The following NR1D2 variants were observed in gnomAD, a reference collection of about 807,000 sequenced individuals.
NR1D2 encodes nuclear receptor subfamily 1 group D member 2.
NR1D2 carries 25 observed loss-of-function variants against 52.2 expected under a neutral mutation model. The ratio of observed to expected loss-of-function variants is 0.48; its 90% confidence interval spans 0.35 to 0.67. NR1D2 has a LOEUF of 0.67. Ranked by LOEUF, NR1D2 falls within the 30% of genes least tolerant of loss-of-function variation. The probability of loss-of-function intolerance (pLI) is 0.01; values close to 1 mark genes in which losing one functional copy is unlikely to be tolerated. For missense variants in NR1D2, 681 were observed against 707.2 expected, an observed-to-expected ratio of 0.96 and a Z score of 0.42; for synonymous variants, 259 against 230.1, an observed-to-expected ratio of 1.13 and a Z score of -1.14.
intron 3 of NR1D2, among the ~76,000 whole-genome samples, chr3:23,958,523 C>T (rs1408873601): frequency 6.6e-6 from 1 of 151,980 alleles, no homozygotes; most frequent in Non-Finnish European, 1.5e-5. Context: ...TGTCTGTAGT[C>T]CCAGCTCTTG....
At chr3:23,967,074 C>T (rs995118801) in intron 6 of NR1D2, among the ~76,000 whole-genome samples, 1 of 152,156 alleles carries the variant, frequency 6.6e-6, no homozygotes, top group Non-Finnish European at 1.5e-5. Flanking sequence ...GCCTGTAATT[C>T]TAGCACTTTG....
At chr3:23,947,285 A>G (rs558981321) in intron 1 of NR1D2, among the ~76,000 whole-genome samples, 16 of 152,332 alleles carry the variant, frequency 1.1e-4, no homozygotes, top group South Asian at 8.3e-4. Context: ...CCCTCTTCCA[A>G]TACTTCGCTG....
chr3:23,977,252 G>C lies in NR1D2; in HGVS notation c.1573G>C (p.Val525Leu). 6.2e-7 allele frequency: 1 copy of C among 1,607,482 alleles called. No homozygotes were observed. The highest frequency in any genetic ancestry group is 1.7e-5 in the Admixed American group (1 of 58,462). ...DRSGIENVNS[V>L]EALQETLIRA... Reference sequence around the variant, plus strand: ...ATCTGGAATAGAAAACGTCAACTCTGTGGAGGCTTTGCAGGAAACTCTCAT... The same window carrying C: ...ATCTGGAATAGAAAACGTCAACTCTCTGGAGGCTTTGCAGGAAACTCTCAT... The change falls in exon 8 of 8, where the codon GTG becomes CTG. Residue 525 changes from valine (V) to leucine (L), a missense_variant. Physicochemically the swap from Val to Leu is conservative, Grantham distance 32 (BLOSUM62 1). Coordinates refer to ENST00000312521, the MANE Select transcript of NR1D2 (RefSeq NM_005126.5).
At chr3:23,963,359 A>G (rs527836235) in intron 5 of NR1D2, 2 of 1,317,256 alleles carry the variant, frequency 1.5e-6, no homozygotes, top group East Asian at 9.4e-5. Context: ...TTCATTTTCA[A>G]AATAGTTGAC....
intron 1 of NR1D2, among the ~76,000 whole-genome samples, chr3:23,945,931 A>G (rs1171991173): frequency 4.7e-5 from 7 of 148,754 alleles, no homozygotes; most frequent in African/African-American, 1.5e-4. Context: ...GCGGCATTAC[A>G]TAATGGGCGC....
At chr3:23,948,465 C>T (rs1053199867) in intron 1 of NR1D2, among the ~76,000 whole-genome samples, 3 of 152,240 alleles carry the variant, frequency 2.0e-5, no homozygotes, top group East Asian at 3.9e-4. Context: ...AAATAACCTA[C>T]AAAGAAACCA....
rs1706405023 is a variant in NR1D2, at chr3:23,965,158, T to C, written c.1328T>C (p.Phe443Ser). Residue 443 changes from phenylalanine to serine, a missense_variant, in exon 6 of 8, where the codon TTT becomes TCT. Around this residue, in one of 3 missense-constraint regions of NR1D2, gnomAD observed 475 missense variants for 454.5 expected, o/e 1.05. Coordinates refer to ENST00000312521, the MANE Select transcript of NR1D2 (RefSeq NM_005126.5). ...GTCAACCTTTTAAAGGCTGGGACTT[T>C]TGAGGTAGGTTTTATTTATCCTGAA... ...DQVNLLKAGT[F>S]EVLMVRFASL... 2.5e-6 allele frequency: 4 copies of C among 1,598,448 alleles called. No homozygotes were observed. Among genetic ancestry groups the C allele is most frequent in the African/African-American group, 1.4e-5 (1 of 74,022 alleles).
chr3:23,962,359 T>C lies in NR1D2; in HGVS notation c.900T>C (p.His300=), dbSNP rs755254799. Residue 300 remains histidine, a synonymous_variant, in exon 5 of 8, where the codon CAT becomes CAC. Coordinates refer to ENST00000312521, the MANE Select transcript of NR1D2 (RefSeq NM_005126.5). ...NMEQYNLNHD[H]CGNGLSSHFP... ...AGCAATATAATTTAAATCATGATCATTGCGGCAATGGGCTTAGCAGCCATT... is the reference window on the plus strand; with the variant it reads ...AGCAATATAATTTAAATCATGATCACTGCGGCAATGGGCTTAGCAGCCATT... 6.2e-7 allele frequency: 1 copy of C among 1,614,162 alleles called. No homozygotes were observed. Among genetic ancestry groups the C allele is most frequent in the South Asian group, 1.1e-5 (1 of 91,086 alleles).
At chr3:23,965,709 G>C (rs1706425953) in intron 6 of NR1D2, among the ~76,000 whole-genome samples, 1 of 152,108 alleles carries the variant, frequency 6.6e-6, no homozygotes, top group Admixed American at 6.5e-5. Flanking sequence ...TTTAGGATTT[G>C]AAATATAGGT....
At chr3:23,968,175 C>CT (rs1472186021) in intron 7 of NR1D2, 152 bp downstream of exon 7, 2 of 623,030 alleles carry the variant, frequency 3.2e-6, no homozygotes, top group Admixed American at 2.9e-5. Flanking sequence ...TTTTGTGTAA[C>CT]TAATTTTTTC....
chr3:23,975,312 C>CA (rs1575161928), intron 7 of NR1D2, among the ~76,000 whole-genome samples: 1 of 144,246 alleles, frequency 6.9e-6, no homozygotes, highest in Non-Finnish European at 1.5e-5. Context: ...TTTGTAAAGA[C>CA]AAAGACTCAC....
intron 1 of NR1D2, among the ~76,000 whole-genome samples, chr3:23,953,342 CAAAAAA>C (rs55698030): frequency 1.3e-4 from 7 of 52,448 alleles, no homozygotes; most frequent in African/African-American, 3.8e-4. Flanking sequence ...GACTCTGTCT[CAAAAAA>C]AAAAAAAAAA....
chr3:23,961,353 A>T (rs936488711), intron 4 of NR1D2, among the ~76,000 whole-genome samples: 2 of 135,644 alleles, frequency 1.5e-5, no homozygotes, highest in Non-Finnish European at 3.2e-5. Flanking sequence ...ACTGGTTTTC[A>T]TTAGCTAATT....
intron 2 of NR1D2, 105 bp downstream of exon 2, chr3:23,954,908 C>T (rs779878243): frequency 1.6e-5 from 16 of 1,011,898 alleles, no homozygotes; most frequent in Non-Finnish European, 2.4e-5. Context: ...GTACAGTTTT[C>T]ACTCCTTGCT....
chr3:23,959,633 G>T, intron 3 of NR1D2, 38 bp from the exon 4 acceptor site: 1 of 1,592,280 alleles, frequency 6.3e-7, no homozygotes, highest in Non-Finnish European at 8.5e-7. Context: ...TCATTTGGGT[G>T]TTTTTAAATG....
At chr3:23,963,439 G>A (rs1706340820) in intron 5 of NR1D2, 1 of 1,171,314 alleles carries the variant, frequency 8.5e-7, no homozygotes, top group African/African-American at 1.7e-5. Flanking sequence ...CTTATGTTAG[G>A]CTAAGTCGTT....
rs769105221 is a variant in NR1D2, at chr3:23,962,169, A to G, written c.710A>G (p.Asn237Ser). The change falls in exon 5 of 8, where the codon AAC becomes AGC. Residue 237 changes from asparagine to serine, a missense_variant. Asn to Ser is a conservative substitution (Grantham distance 46). Transcript: ENST00000312521. ...CCCAAGCCCCAACTGGAGCAAGAAA[A>G]CATCAAAAGCTCTTCTCCTCCATCT... is the stretch of plus-strand genomic sequence containing the variant. ...LRPKPQLEQE[N>S]IKSSSPPSSD... 6.4e-5 allele frequency: 103 copies of G among 1,614,048 alleles called. No homozygotes were observed. The highest frequency in any genetic ancestry group is 8.6e-5 in the Non-Finnish European group (101 of 1,180,030).
intron 7 of NR1D2, among the ~76,000 whole-genome samples, chr3:23,975,744 T>TG (rs1386755102): frequency 6.6e-6 from 1 of 152,076 alleles, no homozygotes; most frequent in Non-Finnish European, 1.5e-5. Context: ...GGTGACAGAG[T>TG]GAAACTCCAT....
intron 3 of NR1D2, among the ~76,000 whole-genome samples, chr3:23,956,757 T>G (rs1218757304): frequency 6.6e-6 from 1 of 152,232 alleles, no homozygotes; most frequent in Non-Finnish European, 1.5e-5. Flanking sequence ...TCTACCTCCC[T>G]ACCTATATAC....
Sources: allele counts gnomAD v4.1 joint callset (sites outside exome capture counted in the v4.1 genomes callset), GRCh38; gene constraint gnomAD v4.1.1; regional missense constraint gnomAD v4.1.1; transcripts MANE v1.5; gene names NCBI Gene and HGNC (gene_info 2026-07-23, HGNC 2026-07-21).